LRRC47: variants seen among roughly 807,000 people sequenced by gnomAD.
LRRC47 encodes the protein leucine-rich repeat-containing protein 47.
In LRRC47, 31 loss-of-function variants were observed where a neutral mutation model predicts 40.9. The ratio of observed to expected loss-of-function variants is 0.76; its 90% confidence interval spans 0.57 to 1.02. LRRC47 has a LOEUF of 1.02. LRRC47 is among the 50% of genes least tolerant of loss of function. LRRC47 has a pLI of 0.00. For missense variants in LRRC47, 726 were observed against 796.1 expected, an observed-to-expected ratio of 0.91 and a Z score of 1.06; for synonymous variants, 427 against 371.9, an observed-to-expected ratio of 1.15 and a Z score of -1.70.
chr1:3,782,772 G>C lies in LRRC47; in HGVS notation c.1311-9C>G. ...CCAGCAAGTGAAGGTATCTGTATGG[G>C]AAGAAATACAAATTCCAGGCATAAT... On this transcript the variant is annotated splice_polypyrimidine_tract_variant and intron_variant, in intron 4 of 6. Coordinates refer to ENST00000378251, the MANE Select transcript of LRRC47 (RefSeq NM_020710.3). 6.7e-7 allele frequency: 1 copy of C among 1,485,074 alleles called. No individual in the cohort carries two copies. Among genetic ancestry groups the C allele is most frequent in the Non-Finnish European group, 9.4e-7 (1 of 1,062,334 alleles). The allele number at this position is 1,485,074 out of a possible 1,614,324, so 92.0% of individuals were successfully genotyped here.
chr1:3,781,260 A>C lies in LRRC47; in HGVS notation c.1580T>G (p.Val527Gly), dbSNP rs377739950. 26 of 1,614,032 alleles carry C rather than the reference A, an allele frequency of 1.6e-5. No homozygotes were observed. Among genetic ancestry groups the C allele is most frequent in the Non-Finnish European group, 2.2e-5 (26 of 1,180,016 alleles). Residue 527 changes from valine (V) to glycine (G), a missense_variant, in exon 7 of 7, where the codon GTC becomes GGC. Coordinates refer to ENST00000378251, the MANE Select transcript of LRRC47 (RefSeq NM_020710.3). ...GSLSDTEADA[V>G]SGQLPDPTTN... Reference sequence around the variant, plus strand: ...TGTGGGATCTGGAAGTTGTCCAGAGACTGCATCGGCTTCAGTATCTGAGAG... The same window carrying C: ...TGTGGGATCTGGAAGTTGTCCAGAGCCTGCATCGGCTTCAGTATCTGAGAG...
intron 1 of LRRC47, among the ~76,000 whole-genome samples, chr1:3,788,636 C>G (rs147654089): frequency 4.6e-5 from 7 of 152,086 alleles, no homozygotes; most frequent in African/African-American, 1.4e-4. Flanking sequence ...TGGAATCCTC[C>G]GGCTCAAGCA....
Position 3,796,424 on chromosome 1 carries a change from C to T in LRRC47, c.53G>A (p.Arg18His). ...ESWPELELAE[R>H]ERRRELLLTG... The stretch of plus-strand genomic sequence containing the variant: ...CAGCAGCAGCTCCCGCCGCCGCTCG[C>T]GCTCAGCCAGCTCCAGCTCCGGCCA... The change falls in exon 1 of 7, where the codon CGC becomes CAC. Residue 18 changes from arginine to histidine, a missense_variant. Arg to His is a conservative substitution (Grantham distance 29, BLOSUM62 0). Transcript: ENST00000378251. 1 of 1,519,598 alleles carries T rather than the reference C, an allele frequency of 6.6e-7. No individual in the cohort carries two copies. The highest frequency in any genetic ancestry group is 8.8e-7 in the Non-Finnish European group (1 of 1,141,550). The allele number at this position is 1,519,598 out of a possible 1,614,324, so 94.1% of individuals were successfully genotyped here.
chr1:3,787,749 T>G (rs1643589890), intron 1 of LRRC47, among the ~76,000 whole-genome samples: 1 of 152,156 alleles, frequency 6.6e-6, no homozygotes, highest in Non-Finnish European at 1.5e-5. Flanking sequence ...TGGTGTTATT[T>G]TTTTTAATTA....
chr1:3,781,037 T>C lies in LRRC47; in HGVS notation c.*51A>G, dbSNP rs1369002303. On this transcript the variant is annotated 3_prime_UTR_variant, in exon 7 of 7. Coordinates refer to ENST00000378251, the MANE Select transcript of LRRC47 (RefSeq NM_020710.3). The stretch of plus-strand genomic sequence containing the variant: ...TAACGGATAATTCAGCATTGCCGCA[T>C]AGAAACCTCCGCAAAACCGGCCAAA... 1.4e-5 allele frequency: 23 copies of C among 1,586,618 alleles called. No individual in the cohort carries two copies. Among genetic ancestry groups the C allele is most frequent in the Middle Eastern group, 2.1e-4 (1 of 4,854 alleles).
At chr1:3,786,632 C>T (rs375399626) in intron 2 of LRRC47, among the ~76,000 whole-genome samples, 7 of 152,214 alleles carry the variant, frequency 4.6e-5, no homozygotes, top group African/African-American at 1.2e-4. Flanking sequence ...ACCTGCCTCC[C>T]GGAGGGGACT....
At chr1:3,786,050 G>A (rs1020803074) in intron 2 of LRRC47, among the ~76,000 whole-genome samples, 3 of 151,916 alleles carry the variant, frequency 2.0e-5, no homozygotes, top group Non-Finnish European at 4.4e-5. Flanking sequence ...TTGTGTTTTC[G>A]GTAGAGATGG....
chr1:3,788,608 A>G (rs1643599082), intron 1 of LRRC47, among the ~76,000 whole-genome samples: 1 of 152,130 alleles, frequency 6.6e-6, no homozygotes, highest in Admixed American at 6.5e-5. Context: ...TGTGAAGGAA[A>G]TGAAAAAAGG....
Position 3,781,576 on chromosome 1 carries a change from A to G in LRRC47, c.1439T>C (p.Phe480Ser). Residue 480 changes from phenylalanine (F) to serine (S), a missense_variant, in exon 6 of 7, where the codon TTT becomes TCT. Coordinates refer to ENST00000378251, the MANE Select transcript of LRRC47 (RefSeq NM_020710.3). The stretch of plus-strand genomic sequence containing the variant: ...ACTGGTGGCACTTGTTACTTCCAAA[A>G]ACAAATCAGAAGTCGTTTTCTTAAC... ...TKVKKTTSDL[F>S]LEVTSATSLQ... 6.2e-7 allele frequency: 1 copy of G among 1,613,860 alleles called. No homozygotes were observed. The highest frequency in any genetic ancestry group is 8.5e-7 in the Non-Finnish European group (1 of 1,179,924).
chr1:3,781,693 T>A, intron 5 of LRRC47, 92 bp from the exon 6 acceptor site: 7 of 1,074,642 alleles, frequency 6.5e-6, no homozygotes, highest in Non-Finnish European at 9.7e-6. Context: ...TCTACAAAAC[T>A]GTGTGGCCAG....
chr1:3,791,620 C>G (rs1460191291), intron 1 of LRRC47, among the ~76,000 whole-genome samples: 8 of 152,316 alleles, frequency 5.3e-5, no homozygotes, highest in African/African-American at 1.9e-4. Flanking sequence ...CCACGCCCGG[C>G]TAATTTTGTA....
Position 3,796,318 on chromosome 1 carries a change from G to A in LRRC47, c.159C>T (p.His53=), listed in dbSNP as rs745407837. ...TCCCGCAGCCGCTCACTTCCAAGTA[G>A]TGCAGCAGCGGCAGGGTGAAAAGCC... The part of the protein sequence containing the change: ...PPRLFTLPLL[H]YLEVSGCGSL... The change falls in exon 1 of 7, where the codon CAC becomes CAT. Residue 53 remains histidine (H), a synonymous_variant. Transcript: ENST00000378251. The A allele has an allele frequency of 6.0e-6, 9 of 1,507,472 alleles. No homozygotes were observed. The highest frequency in any genetic ancestry group is 7.0e-6 in the Non-Finnish European group (8 of 1,135,774). 93.4% of individuals were successfully genotyped at this position (1,507,472 alleles called of 1,614,324 possible).
intron 3 of LRRC47, 200 bp from the exon 4 acceptor site, chr1:3,784,311 A>G: frequency 1.8e-6 from 1 of 568,326 alleles, no homozygotes; most frequent in South Asian, 2.2e-5. Flanking sequence ...GGGAGACCTG[A>G]CGCCCAAACA....
At chr1:3,791,093 G>A (rs964968171) in intron 1 of LRRC47, among the ~76,000 whole-genome samples, 1 of 152,020 alleles carries the variant, frequency 6.6e-6, no homozygotes, top group Non-Finnish European at 1.5e-5. Flanking sequence ...GAGAGGCCCC[G>A]AGACGACACA....
chr1:3,783,866 G>T lies in LRRC47; in HGVS notation c.1310+130C>A, dbSNP rs36124273. On this transcript the variant is annotated intron_variant, in intron 4 of 6. Coordinates refer to ENST00000378251, the MANE Select transcript of LRRC47 (RefSeq NM_020710.3). ...CCTTTGGAAAGAGAATGCTTTCTTT[G>T]TACCCTGTTAAGAAGCTTCTGGGTT... is the stretch of plus-strand genomic sequence containing the variant. 60,594 of 691,216 alleles carry T rather than the reference G, an allele frequency of 0.088. 2,988 individuals carry two copies. The highest frequency in any genetic ancestry group is 0.13 in the African/African-American group (7,402 of 56,086). The allele number at this position is 691,216 out of a possible 1,614,324, so 42.8% of individuals were successfully genotyped here.
At chr1:3,785,062 G>A (rs766987863) in intron 3 of LRRC47, 25 bp downstream of exon 3, 1 of 1,546,222 alleles carries the variant, frequency 6.5e-7, no homozygotes, top group Non-Finnish European at 8.8e-7. Flanking sequence ...CTCTTCAGCA[G>A]ACCCTGCAAA....
intron 3 of LRRC47, among the ~76,000 whole-genome samples, chr1:3,784,541 T>C (rs1643552873): frequency 6.7e-6 from 1 of 150,356 alleles, no homozygotes; most frequent in Non-Finnish European, 1.5e-5. Flanking sequence ...GAGACCAAAA[T>C]TTCTGATTAA....
At chr1:3,781,405 C>T in intron 6 of LRRC47, 69 bp from the exon 7 acceptor site, 1 of 1,579,188 alleles carries the variant, frequency 6.3e-7, no homozygotes, top group South Asian at 1.1e-5. Context: ...CTGCTGTCTG[C>T]CAACACAGTA....
intron 1 of LRRC47, among the ~76,000 whole-genome samples, chr1:3,788,894 G>T (rs577275684): frequency 6.6e-6 from 1 of 152,210 alleles, no homozygotes; most frequent in East Asian, 1.9e-4. Flanking sequence ...ACGCCTGCTG[G>T]GGAAGAACAC....
Sources: gnomAD v4.1 joint callset for allele counts (sites outside exome capture counted in the v4.1 genomes callset) on GRCh38, gnomAD v4.1.1 for gene constraint, MANE v1.5 for transcripts, NCBI Gene and HGNC (gene_info 2026-07-23, HGNC 2026-07-21) for gene names.